Variants in IL1RAPL1 observed in about 807,000 individuals in gnomAD.
The protein encoded by IL1RAPL1 is interleukin 1 receptor accessory protein like 1, also known as interleukin-1 receptor accessory protein-like 1.
A neutral mutation model predicts 48.4 loss-of-function variants in IL1RAPL1; 3 were observed. The observed-to-expected ratio is 0.06, with a 90% CI of 0.03 to 0.16. The LOEUF is 0.16. IL1RAPL1 is among the 10% of genes least tolerant of loss of function. IL1RAPL1 has a pLI of 1.00. For missense variants in IL1RAPL1, 349 were observed against 530.6 expected (o/e 0.66, Z 3.36); for synonymous variants, 185 against 187.7 (o/e 0.99, Z 0.12).
intron 2 of IL1RAPL1, among the ~76,000 whole-genome samples, chrX:29,024,171 G>GA (rs1926432697): frequency 2.7e-5 from 3 of 111,718 alleles, no homozygotes; most frequent in African/African-American, 9.7e-5. Flanking sequence ...GTGACTAGAT[G>GA]AAAAATCTCA....
chrX:29,500,466 C>T (rs1935260478), intron 5 of IL1RAPL1, among the ~76,000 whole-genome samples: 1 of 111,530 alleles, frequency 9.0e-6, no homozygotes, highest in Non-Finnish European at 1.9e-5. Context: ...TGCCAATCTA[C>T]TCTGTATCTT....
chrX:29,593,142 G>A (rs1361948481), intron 5 of IL1RAPL1, among the ~76,000 whole-genome samples: 1 of 111,321 alleles, frequency 9.0e-6, no homozygotes, highest in Non-Finnish European at 1.9e-5. Flanking sequence ...GCTCAGATGG[G>A]CCCTGCTTGG....
intron 3 of IL1RAPL1, among the ~76,000 whole-genome samples, chrX:29,359,878 C>A (rs986363359): frequency 1.8e-5 from 2 of 110,986 alleles, no homozygotes; most frequent in African/African-American, 3.3e-5. Flanking sequence ...CTTTGTAACC[C>A]CTGGGTTACT....
At chrX:28,860,401 A>G (rs1014912679) in intron 2 of IL1RAPL1, among the ~76,000 whole-genome samples, 1 of 110,760 alleles carries the variant, frequency 9.0e-6, no homozygotes, top group African/African-American at 3.3e-5. Flanking sequence ...TAAGCACTCA[A>G]CATGTATAAG....
At chrX:29,408,383 A>G (rs191940897) in intron 5 of IL1RAPL1, among the ~76,000 whole-genome samples, 65 of 111,720 alleles carry the variant, frequency 5.8e-4, no homozygotes, top group Non-Finnish European at 1.1e-3. Flanking sequence ...AAACAAAGTA[A>G]CAACTGTATT....
intron 5 of IL1RAPL1, among the ~76,000 whole-genome samples, chrX:29,605,071 AACACACACACACACACACACACACAC>A (rs757087732): frequency 4.6e-4 from 30 of 65,048 alleles, no homozygotes; most frequent in South Asian, 1.6e-3. Context: ...CTAAGTCTTA[AACACACACACACACACACACACACAC>A]ACACACACAC....
intron 5 of IL1RAPL1, among the ~76,000 whole-genome samples, chrX:29,410,622 C>T (rs1934132369): frequency 9.0e-6 from 1 of 111,264 alleles, no homozygotes; most frequent in East Asian, 2.8e-4. Flanking sequence ...GTCAATTAGA[C>T]CTCCATTTGC....
chrX:29,153,173 C>G, intron 2 of IL1RAPL1, among the ~76,000 whole-genome samples: 1 of 111,644 alleles, frequency 9.0e-6, no homozygotes, highest in Non-Finnish European at 1.9e-5. Flanking sequence ...CACAGAGCAT[C>G]CCTTTGACAT....
chrX:29,462,708 A>G (rs902294255), intron 5 of IL1RAPL1, among the ~76,000 whole-genome samples: 1 of 111,488 alleles, frequency 9.0e-6, no homozygotes, highest in Non-Finnish European at 1.9e-5. Flanking sequence ...CTTTCACCTC[A>G]TAGTCAGTTT....
At chrX:29,850,421 G>A (rs1002841370) in intron 6 of IL1RAPL1, among the ~76,000 whole-genome samples, 2 of 112,296 alleles carry the variant, frequency 1.8e-5, no homozygotes, top group African/African-American at 6.5e-5. Context: ...AGAAAGAACT[G>A]CCTGTGCCAA....
At chrX:29,752,482 C>T (rs923755840) in intron 6 of IL1RAPL1, among the ~76,000 whole-genome samples, 12 of 80,866 alleles carry the variant, frequency 1.5e-4, no homozygotes, top group African/African-American at 5.4e-4. Context: ...GGCGACAAAT[C>T]GAGACTTTGT....
intron 2 of IL1RAPL1, among the ~76,000 whole-genome samples, chrX:29,170,422 A>G (rs187431781): frequency 5.1e-4 from 57 of 112,004 alleles, no homozygotes; most frequent in African/African-American, 1.7e-3. Context: ...TGAAAATTTG[A>G]CAAAAACTAT....
chrX:29,519,340 A>G (rs922478452), intron 5 of IL1RAPL1, among the ~76,000 whole-genome samples: 13 of 111,612 alleles, frequency 1.2e-4, no homozygotes, highest in African/African-American at 4.2e-4. Flanking sequence ...TCCACATTTT[A>G]TAATTGGGGA....
intron 1 of IL1RAPL1, among the ~76,000 whole-genome samples, chrX:28,743,755 T>TTTAA (rs1320402991): frequency 9.0e-6 from 1 of 111,129 alleles, no homozygotes; most frequent in Non-Finnish European, 1.9e-5. Context: ...TATTTATTTA[T>TTTAA]TTAATGGCGT....
At chrX:29,606,962 T>C (rs1427289506) in intron 5 of IL1RAPL1, among the ~76,000 whole-genome samples, 1 of 111,899 alleles carries the variant, frequency 8.9e-6, no homozygotes, top group Admixed American at 9.5e-5. Flanking sequence ...ACATTTTTAA[T>C]GAATGAAATA....
chrX:29,031,999 A>G (rs1227791924), intron 2 of IL1RAPL1, among the ~76,000 whole-genome samples: 4 of 111,990 alleles, frequency 3.6e-5, no homozygotes. Context: ...GTACCCACCT[A>G]CCTACTTACC....
intron 5 of IL1RAPL1, among the ~76,000 whole-genome samples, chrX:29,650,242 C>G (rs1949131749): frequency 8.9e-6 from 1 of 111,855 alleles, no homozygotes; most frequent in Non-Finnish European, 1.9e-5. Flanking sequence ...TATCAAAATA[C>G]CCATGACACT....
rs562839180 is a variant in IL1RAPL1, at chrX:29,642,164, T to C, written c.704-26266T>C. 8.0e-5 allele frequency among the ~76,000 whole-genome samples: 9 copies of C among 112,813 alleles called. No homozygotes were observed. The Middle Eastern group carries it at 0.023, about 286-fold the overall frequency. ...GGATAACCGTAATGTTTGCAACTCA[T>C]CTTCTGTGTCTCCCCCAAATAATTC... On this transcript the variant is annotated intron_variant, in intron 5 of 10. Coordinates refer to ENST00000378993, the MANE Select transcript of IL1RAPL1 (RefSeq NM_014271.4).
intron 6 of IL1RAPL1, among the ~76,000 whole-genome samples, chrX:29,843,339 G>T (rs1931175404): frequency 8.9e-6 from 1 of 111,942 alleles, no homozygotes; most frequent in African/African-American, 3.2e-5. Context: ...TAATATCTCT[G>T]CTGTGGTTTG....
Sources: gnomAD v4.1 joint callset for allele counts (sites outside exome capture counted in the v4.1 genomes callset) on GRCh38, gnomAD v4.1.1 for gene constraint, MANE v1.5 for transcripts, NCBI Gene and HGNC (gene_info 2026-07-23, HGNC 2026-07-21) for gene names.